Variants in PRKAG2 observed in about 807,000 individuals in gnomAD.
PRKAG2 encodes the protein protein kinase AMP-activated non-catalytic subunit gamma 2.
In PRKAG2, 26 loss-of-function variants were observed where a neutral mutation model predicts 69.6. That is an observed-to-expected ratio of 0.37 (90% confidence interval 0.27 to 0.52). The LOEUF (loss-of-function observed/expected upper bound fraction) is 0.52. Ranked by LOEUF, PRKAG2 falls within the 20% of genes least tolerant of loss-of-function variation. The pLI, the probability that PRKAG2 is intolerant of heterozygous loss-of-function variation, is 0.90. For missense variants in PRKAG2, 557 were observed against 740.0 expected (o/e 0.75, Z 2.87); for synonymous variants, 293 against 285.0 (o/e 1.03, Z -0.28).
chr7:151,742,397 G>A (rs2151714749), intron 3 of PRKAG2, among the ~76,000 whole-genome samples: 1 of 152,332 alleles, frequency 6.6e-6, no homozygotes, highest in South Asian at 2.1e-4. Context: ...GGAGGCTGAG[G>A]CGGGTGGATC....
intron 14 of PRKAG2, among the ~76,000 whole-genome samples, chr7:151,562,691 G>A (rs1167686897): frequency 6.6e-6 from 1 of 152,094 alleles, no homozygotes; most frequent in Non-Finnish European, 1.5e-5. Flanking sequence ...ATATTAGCCG[G>A]GTGCGGTGGC....
intron 6 of PRKAG2, among the ~76,000 whole-genome samples, chr7:151,590,458 C>G (rs1479441897): frequency 6.6e-6 from 1 of 152,212 alleles, no homozygotes; most frequent in Non-Finnish European, 1.5e-5. Context: ...GACCCTGGCA[C>G]CGGACAGAGG....
chr7:151,765,176 G>A (rs891293293), intron 3 of PRKAG2, among the ~76,000 whole-genome samples: 3 of 152,166 alleles, frequency 2.0e-5, no homozygotes, highest in Non-Finnish European at 4.4e-5. Context: ...AAGTTTAATT[G>A]ACTCACAGTT....
At chr7:151,864,605 C>T (rs1187415973) in intron 1 of PRKAG2, among the ~76,000 whole-genome samples, 6 of 152,244 alleles carry the variant, frequency 3.9e-5, no homozygotes, top group Admixed American at 3.9e-4. Flanking sequence ...TCAGAAATCT[C>T]AAAATACACC....
chr7:151,870,154 TAGGCAGGCAGGCAGGCAGGCAGGCAGGC>T (rs200063326), intron 1 of PRKAG2, among the ~76,000 whole-genome samples: 1 of 138,322 alleles, frequency 7.2e-6, no homozygotes, highest in African/African-American at 2.8e-5. Flanking sequence ...GATAGATAGA[TAGGCAGGCAGGCAGGCAGGCAGGCAGGC>T]AGGCAGGCAG....
intron 1 of PRKAG2, among the ~76,000 whole-genome samples, chr7:151,796,184 C>T (rs1040612124): frequency 6.6e-6 from 1 of 151,962 alleles, no homozygotes; most frequent in African/African-American, 2.4e-5. Context: ...AGGGTAAAAG[C>T]AGGCCGCTGT....
chr7:151,592,143 C>T (rs531446833), intron 6 of PRKAG2, among the ~76,000 whole-genome samples: 1 of 152,360 alleles, frequency 6.6e-6, no homozygotes, highest in East Asian at 1.9e-4. Flanking sequence ...GATCCACACC[C>T]AGACTCGGGG....
chr7:151,565,293 G>C (rs1805986599), intron 13 of PRKAG2, 53 bp downstream of exon 13: 1 of 1,279,876 alleles, frequency 7.8e-7, no homozygotes, highest in South Asian at 1.4e-5. Context: ...CACATTACAT[G>C]AATGTTTAAA....
At chr7:151,624,173 T>C (rs966929035) in intron 5 of PRKAG2, among the ~76,000 whole-genome samples, 9 of 142,146 alleles carry the variant, frequency 6.3e-5, no homozygotes, top group African/African-American at 2.5e-4. Context: ...TGTGTACATA[T>C]ATATATATTT....
At chr7:151,809,492 G>A (rs2078305418) in intron 1 of PRKAG2, 2 of 294,484 alleles carry the variant, frequency 6.8e-6, no homozygotes, top group Non-Finnish European at 6.7e-6. Flanking sequence ...TTGGTCTTCC[G>A]GGGCTTAAAA....
At chr7:151,647,771 C>T (rs992925364) in intron 4 of PRKAG2, among the ~76,000 whole-genome samples, 1 of 152,130 alleles carries the variant, frequency 6.6e-6, no homozygotes, top group Admixed American at 6.5e-5. Flanking sequence ...AATCTCAAAT[C>T]GTTTTTGGCA....
At chr7:151,690,023 G>C (rs1173806426) in intron 3 of PRKAG2, among the ~76,000 whole-genome samples, 1 of 152,210 alleles carries the variant, frequency 6.6e-6, no homozygotes, top group Non-Finnish European at 1.5e-5. Context: ...AGGGAAATAA[G>C]CGTCTCGTGG....
chr7:151,803,336 A>T (rs541341363), intron 1 of PRKAG2, among the ~76,000 whole-genome samples: 1 of 152,270 alleles, frequency 6.6e-6, no homozygotes, highest in East Asian at 1.9e-4. Context: ...AACACTTTGT[A>T]TAGGAATTTA....
chr7:151,558,185 CT>C, intron 15 of PRKAG2: 1 of 985,426 alleles, frequency 1.0e-6, no homozygotes, highest in Non-Finnish European at 1.2e-6. Flanking sequence ...TTGCTAAAAA[CT>C]TTTTTGAGAA....
At chr7:151,561,845 A>T (rs1805036390) in intron 14 of PRKAG2, among the ~76,000 whole-genome samples, 3 of 151,360 alleles carry the variant, frequency 2.0e-5, no homozygotes, top group African/African-American at 7.3e-5. Context: ...AGACAGGAGA[A>T]TTGCTTGAAC....
intron 3 of PRKAG2, among the ~76,000 whole-genome samples, chr7:151,692,240 T>C (rs895399840): frequency 6.6e-6 from 1 of 152,018 alleles, no homozygotes; most frequent in African/African-American, 2.4e-5. Flanking sequence ...AACTGGTGCA[T>C]CTATACAATA....
At chr7:151,812,613 T>C (rs997557680) in intron 1 of PRKAG2, among the ~76,000 whole-genome samples, 2 of 152,208 alleles carry the variant, frequency 1.3e-5, no homozygotes, top group Non-Finnish European at 2.9e-5. Flanking sequence ...AAAGTGCTGA[T>C]GTTTAATTTC....
At chr7:151,609,643 T>C (rs532007247) in intron 5 of PRKAG2, among the ~76,000 whole-genome samples, 7 of 152,256 alleles carry the variant, frequency 4.6e-5, no homozygotes, top group East Asian at 3.9e-4. Flanking sequence ...AGTGAGGGAA[T>C]AGACGCCCCG....
intron 3 of PRKAG2, among the ~76,000 whole-genome samples, chr7:151,679,259 G>A (rs1180004356): frequency 6.6e-6 from 1 of 152,152 alleles, no homozygotes; most frequent in Non-Finnish European, 1.5e-5. Context: ...GGATCTGCAG[G>A]GGCAGAGCAA....
Sources: gnomAD v4.1 joint callset for allele counts (sites outside exome capture counted in the v4.1 genomes callset) on GRCh38, gnomAD v4.1.1 for gene constraint, MANE v1.5 for transcripts, NCBI Gene and HGNC (gene_info 2026-07-23, HGNC 2026-07-21) for gene names.